The following EPB41L3 variants were observed in gnomAD, a reference collection of about 807,000 sequenced individuals.
EPB41L3 encodes the protein band 4.1-like protein 3.
EPB41L3 carries 57 observed loss-of-function variants against 127.1 expected under a neutral mutation model. The ratio of observed to expected loss-of-function variants is 0.45; its 90% CI spans 0.36 to 0.56. The LOEUF (loss-of-function observed/expected upper bound fraction) is 0.56. Among genes scored for constraint, EPB41L3 ranks in the 20% least tolerant of loss-of-function variants. The probability of loss-of-function intolerance (pLI) is 0.00; values close to 1 mark genes in which losing one functional copy is unlikely to be tolerated. For missense variants in EPB41L3, 1,273 were observed against 1,372.2 expected (o/e 0.93, Z 1.14); for synonymous variants, 572 against 549.5 (o/e 1.04, Z -0.57).
intron 3 of EPB41L3, among the ~76,000 whole-genome samples, chr18:5,605,709 G>A (rs2094643269): frequency 6.6e-6 from 1 of 152,102 alleles, no homozygotes; most frequent in Non-Finnish European, 1.5e-5. Context: ...CAAGGTGTGA[G>A]ACACTAGGTC....
chr18:5,407,410 C>A, intron 15 of EPB41L3: 1 of 468,138 alleles, frequency 2.1e-6, no homozygotes, highest in Non-Finnish European at 3.8e-6. Flanking sequence ...CACACACAGA[C>A]ATGCACTGGT....
chr18:5,519,722 C>G (rs2092908839), intron 1 of EPB41L3, among the ~76,000 whole-genome samples: 1 of 152,212 alleles, frequency 6.6e-6, no homozygotes, highest in Admixed American at 6.5e-5. Flanking sequence ...TACATAATCA[C>G]TGATCCACCC....
At chr18:5,563,590 A>G (rs902123179) in intron 3 of EPB41L3, among the ~76,000 whole-genome samples, 3 of 152,300 alleles carry the variant, frequency 2.0e-5, no homozygotes, top group Admixed American at 1.3e-4. Context: ...TACTTGACAC[A>G]TAGCCTCCAC....
intron 1 of EPB41L3, among the ~76,000 whole-genome samples, chr18:5,536,009 G>A (rs1415800123): frequency 6.6e-6 from 1 of 152,164 alleles, no homozygotes; most frequent in Non-Finnish European, 1.5e-5. Flanking sequence ...TTCAGGTCCA[G>A]ACTGCTGCAT....
At chr18:5,399,066 T>C in intron 16 of EPB41L3, 1 of 399,164 alleles carries the variant, frequency 2.5e-6, no homozygotes, top group Non-Finnish European at 4.4e-6. Context: ...CTCCATTTTC[T>C]GAAGTGCTTC....
intron 3 of EPB41L3, among the ~76,000 whole-genome samples, chr18:5,468,968 C>CA (rs1412952852): frequency 2.0e-5 from 3 of 151,776 alleles, no homozygotes; most frequent in Non-Finnish European, 2.9e-5. Context: ...AAACAAAAAA[C>CA]AAAAAGAGGA....
chr18:5,520,176 A>G lies in EPB41L3; in HGVS notation c.-12+23737T>C, dbSNP rs536782329. The stretch of plus-strand genomic sequence containing the variant: ...GAAAATAATCAAGGCCAAATAAACT[A>G]GGTCACCAGATTTATTTCTGAGCTG... On this transcript the variant is annotated intron_variant, in intron 1 of 22. Coordinates refer to ENST00000341928, the MANE Select transcript of EPB41L3 (RefSeq NM_012307.5). Among the ~76,000 whole-genome samples, 6 of 152,268 alleles carry G rather than the reference A, an allele frequency of 3.9e-5. No individual in the cohort carries two copies. The South Asian group carries it at 1.2e-3, about 32-fold the overall frequency.
chr18:5,564,981 C>T (rs1294790258), intron 3 of EPB41L3, among the ~76,000 whole-genome samples: 6 of 152,172 alleles, frequency 3.9e-5, no homozygotes, highest in Non-Finnish European at 5.9e-5. Context: ...TCAAAATAAA[C>T]GGCCACATAG....
At chr18:5,626,334 T>C (rs1449128824) in intron 1 of EPB41L3, among the ~76,000 whole-genome samples, 1 of 152,234 alleles carries the variant, frequency 6.6e-6, no homozygotes, top group Admixed American at 6.5e-5. Context: ...TTTTCATCTC[T>C]TCAGTGATCT....
At chr18:5,501,656 A>T (rs1306968552) in intron 1 of EPB41L3, among the ~76,000 whole-genome samples, 1 of 152,238 alleles carries the variant, frequency 6.6e-6, no homozygotes, top group Non-Finnish European at 1.5e-5. Flanking sequence ...CACAATTCTT[A>T]CAGAGGGAGG....
At chr18:5,503,464 T>C (rs749889663) in intron 1 of EPB41L3, among the ~76,000 whole-genome samples, 2 of 152,212 alleles carry the variant, frequency 1.3e-5, no homozygotes, top group South Asian at 2.1e-4. Flanking sequence ...TCAAACAGTG[T>C]CTCTGATGGA....
At chr18:5,564,242 A>C (rs148943111) in intron 3 of EPB41L3, among the ~76,000 whole-genome samples, 385 of 152,298 alleles carry the variant, frequency 2.5e-3, no homozygotes, top group East Asian at 4.8e-3. Flanking sequence ...ACTACTACTA[A>C]TAATAATAAT....
chr18:5,628,609 G>A (rs1568672214), intron 1 of EPB41L3, among the ~76,000 whole-genome samples: 1 of 152,226 alleles, frequency 6.6e-6, no homozygotes, highest in East Asian at 1.9e-4. Flanking sequence ...TTCGCCTCCA[G>A]CACCTCAGGC....
rs1291679569 is a variant in EPB41L3 at position 5,543,970 on chromosome 18, G to A, written c.-69C>T. The A allele has an allele frequency of 7.1e-6, 7 of 985,518 alleles. No homozygotes were observed. Among genetic ancestry groups the A allele is most frequent in the East Asian group, 2.3e-4 (2 of 8,790 alleles). The allele number at this position is 985,518 out of a possible 1,614,324, so 61.0% of individuals were successfully genotyped here. ...GCGTGGGGACTAGGCTCGGGCGCGC[G>A]TCCTCGGCGGCGGTGCGCAGGAGAC... On this transcript the variant is annotated 5_prime_UTR_variant, in exon 1 of 23. The change creates a new upstream start codon in the 5' untranslated region. Coordinates refer to ENST00000341928, the MANE Select transcript of EPB41L3 (RefSeq NM_012307.5). This position sits in a 1 kb window ranked among gnomAD's most constrained non-coding sequence, Gnocchi z 5.2.
At chr18:5,396,655 G>A (rs2073546671) in intron 18 of EPB41L3, among the ~76,000 whole-genome samples, 1 of 152,154 alleles carries the variant, frequency 6.6e-6, no homozygotes. Flanking sequence ...AATAAAAGAG[G>A]ATAAAGAATA....
chr18:5,462,464 A>T (rs1428082934), intron 3 of EPB41L3, among the ~76,000 whole-genome samples: 1 of 152,226 alleles, frequency 6.6e-6, no homozygotes, highest in East Asian at 1.9e-4. Context: ...CATGGCACTT[A>T]GAAAATTATA....
chr18:5,534,681 C>G (rs948051494), intron 1 of EPB41L3, among the ~76,000 whole-genome samples: 1 of 152,108 alleles, frequency 6.6e-6, no homozygotes, highest in South Asian at 2.1e-4. Flanking sequence ...TTGGATCTTA[C>G]AATTACTAAG....
At chr18:5,584,364 T>TTTTC (rs1348144719) in intron 3 of EPB41L3, among the ~76,000 whole-genome samples, 1 of 152,182 alleles carries the variant, frequency 6.6e-6, no homozygotes, top group Middle Eastern at 3.2e-3. Context: ...ATATGTGTGG[T>TTTTC]GAAAGTCATA....
chr18:5,500,915 C>T (rs1271768469), intron 1 of EPB41L3, among the ~76,000 whole-genome samples: 1 of 152,068 alleles, frequency 6.6e-6, no homozygotes, highest in African/African-American at 2.4e-5. Context: ...TGGTTACCTC[C>T]TAATGGTAAG....
Sources: allele counts gnomAD v4.1 joint callset (sites outside exome capture counted in the v4.1 genomes callset), GRCh38; gene constraint gnomAD v4.1.1; non-coding constraint Gnocchi (gnomAD v3.1); transcripts MANE v1.5; gene names NCBI Gene and HGNC (gene_info 2026-07-23, HGNC 2026-07-21).